The following LIAT1 variants were observed in gnomAD, a reference collection of about 807,000 sequenced individuals.
The protein encoded by LIAT1 is protein LIAT1.
the LIAT1 span, chr17:413,828 C>T: frequency 1.9e-6 from 3 of 1,539,594 alleles, no homozygotes; most frequent in Non-Finnish European, 2.6e-6. Context: ...CCACCCCGAC[C>T]CCAAGGCCCT....
At chr17:412,435 C>T in the LIAT1 span, among the ~76,000 whole-genome samples, 19 of 152,224 alleles carry the variant, frequency 1.2e-4, no homozygotes, top group Middle Eastern at 3.4e-3. Context: ...CAGATAGTTT[C>T]CAGGGCGTAG....
chr17:412,334 A>G, the LIAT1 span, among the ~76,000 whole-genome samples: 3 of 152,108 alleles, frequency 2.0e-5, no homozygotes, highest in Non-Finnish European at 4.4e-5. Context: ...GTATCTGCAA[A>G]AAGAAATTTG....
At chr17:414,258 A>T in the LIAT1 span, 1 of 1,048,282 alleles carries the variant, frequency 9.5e-7, no homozygotes, top group African/African-American at 1.6e-5. This position sits in a 1 kb window ranked among gnomAD's most constrained non-coding sequence, Gnocchi z 4.1. Flanking sequence ...CTCTCCCATC[A>T]CCAAGCTGCC....
chr17:414,229 G>C, the LIAT1 span: 1 of 1,331,552 alleles, frequency 7.5e-7, no homozygotes, highest in Non-Finnish European at 1.0e-6. The surrounding 1 kb of genome is among the most constrained non-coding windows in gnomAD (Gnocchi z 4.1). Flanking sequence ...ACAGATGTTC[G>C]GTACACGGAC....
At chr17:410,814 C>T in the LIAT1 span, among the ~76,000 whole-genome samples, 1 of 152,140 alleles carries the variant, frequency 6.6e-6, no homozygotes, top group African/African-American at 2.4e-5. Flanking sequence ...TGCCCCAGCC[C>T]CACCCGTGGA....
chr17:414,240 G>A, the LIAT1 span: 37 of 1,215,128 alleles, frequency 3.0e-5, no homozygotes, highest in South Asian at 3.0e-5. The surrounding 1 kb of genome is among the most constrained non-coding windows in gnomAD (Gnocchi z 4.1). Context: ...GTACACGGAC[G>A]ACGCCGACTC....
chr17:414,242 C>T, the LIAT1 span: 78 of 1,196,312 alleles, frequency 6.5e-5, 1 homozygote, highest in South Asian at 9.0e-4. This position sits in a 1 kb window ranked among gnomAD's most constrained non-coding sequence, Gnocchi z 4.1. Flanking sequence ...ACACGGACGA[C>T]GCCGACTCTC....
chr17:411,628 C>G, the LIAT1 span, among the ~76,000 whole-genome samples: 1 of 152,306 alleles, frequency 6.6e-6, no homozygotes, highest in East Asian at 1.9e-4. Flanking sequence ...TATCCATTCG[C>G]GTGTGTAGTC....
the LIAT1 span, among the ~76,000 whole-genome samples, chr17:411,864 C>T: frequency 6.6e-6 from 1 of 152,214 alleles, no homozygotes; most frequent in Non-Finnish European, 1.5e-5. Context: ...GTGTGGTCCA[C>T]CTCAGTGGCT....
At chr17:411,788 G>A in the LIAT1 span, among the ~76,000 whole-genome samples, 1 of 152,182 alleles carries the variant, frequency 6.6e-6, no homozygotes, top group Non-Finnish European at 1.5e-5. Context: ...CCCACTTTGA[G>A]GAGAGAGAGC....
the LIAT1 span, chr17:410,750 G>C: frequency 4.5e-6 from 5 of 1,115,048 alleles, no homozygotes; most frequent in South Asian, 7.5e-5. Flanking sequence ...AAGCTCAGTG[G>C]TCCCGGACCG....
chr17:410,504 G>A, the LIAT1 span: 26 of 1,544,878 alleles, frequency 1.7e-5, no homozygotes, highest in Non-Finnish European at 2.2e-5. Flanking sequence ...ACGACGGCGA[G>A]GAGGAGGAGC....
chr17:414,007 C>T, the LIAT1 span: 8 of 1,614,260 alleles, frequency 5.0e-6, no homozygotes, highest in Middle Eastern at 1.6e-4. The surrounding 1 kb of genome is among the most constrained non-coding windows in gnomAD (Gnocchi z 4.1). Context: ...ATGGCAGCTC[C>T]AGCCACAGGC....
chr17:413,362 T>C, the LIAT1 span: 16 of 1,614,144 alleles, frequency 9.9e-6, no homozygotes, highest in Non-Finnish European at 1.4e-5. Context: ...TGCGTTGGGA[T>C]GGAATTCTTG....
chr17:411,619 A>T, the LIAT1 span, among the ~76,000 whole-genome samples: 1 of 152,204 alleles, frequency 6.6e-6, no homozygotes, highest in Non-Finnish European at 1.5e-5. Context: ...TTAATACGTT[A>T]TCCATTCGCG....
At chr17:412,095 A>T in the LIAT1 span, among the ~76,000 whole-genome samples, 1 of 152,232 alleles carries the variant, frequency 6.6e-6, no homozygotes, top group African/African-American at 2.4e-5. Flanking sequence ...GGCTGGGCAC[A>T]TGGCTCACGC....
At chr17:413,319 T>A in the LIAT1 span, 1 of 1,614,212 alleles carries the variant, frequency 6.2e-7, no homozygotes, top group Non-Finnish European at 8.5e-7. Flanking sequence ...TTTGCCGAAA[T>A]AGAGAACCTT....
the LIAT1 span, chr17:414,358 G>A: frequency 9.7e-6 from 5 of 513,124 alleles, no homozygotes; most frequent in African/African-American, 5.8e-5. This position sits in a 1 kb window ranked among gnomAD's most constrained non-coding sequence, Gnocchi z 4.1. Flanking sequence ...TCTTAAGTAA[G>A]CATCTCTGTT....
the LIAT1 span, chr17:410,742 G>A: frequency 8.3e-7 from 1 of 1,210,944 alleles, no homozygotes; most frequent in Non-Finnish European, 1.1e-6. Flanking sequence ...GGAAACAGAA[G>A]CTCAGTGGTC....
Sources: allele counts gnomAD v4.1 joint callset (sites outside exome capture counted in the v4.1 genomes callset), GRCh38; gene constraint gnomAD v4.1.1; non-coding constraint Gnocchi (gnomAD v3.1); transcripts MANE v1.5; gene names NCBI Gene and HGNC (gene_info 2026-07-23, HGNC 2026-07-21).